NFIB: variants seen among roughly 807,000 people sequenced by gnomAD.
NFIB encodes nuclear factor I B.
In NFIB, 11 loss-of-function variants were observed where a neutral mutation model predicts 61.5. The observed-to-expected ratio is 0.18, with a 90% CI of 0.11 to 0.30. The LOEUF is 0.30. Among genes scored for constraint, NFIB ranks in the 10% least tolerant of loss-of-function variants. The pLI is 1.00. For missense variants in NFIB, 471 were observed against 608.9 expected (o/e 0.77, Z 2.38); for synonymous variants, 260 against 216.5 (o/e 1.20, Z -1.76).
At position 14,337,417 on chromosome 9, in the gene NFIB, G is replaced by T. The variant is rs375607877; in HGVS notation, c.109-29897C>A. Among the ~76,000 whole-genome samples, 30 of 152,300 alleles carry T rather than the reference G, an allele frequency of 2.0e-4. 1 individual carries two copies. In the South Asian group the frequency reaches 3.9e-3, roughly 20 times the overall value. ...ATCAAAATAAAAAAGTAAAAGCAAGGAAATGATGGTGAGAAAAATCATAAT... is the reference window on the plus strand; with the variant it reads ...ATCAAAATAAAAAAGTAAAAGCAAGTAAATGATGGTGAGAAAAATCATAAT... On this transcript the variant is annotated intron_variant, in intron 1 of 8. Transcript: ENST00000380934.
chr9:14,310,944 AC>A (rs1421198848), intron 1 of NFIB, among the ~76,000 whole-genome samples: 9 of 152,172 alleles, frequency 5.9e-5, no homozygotes, highest in Admixed American at 5.9e-4. Flanking sequence ...TTGCTATATA[AC>A]AACAAATCAT....
intron 10 of NFIB, among the ~76,000 whole-genome samples, chr9:14,099,951 A>T (rs554513317): frequency 6.6e-6 from 1 of 152,292 alleles, no homozygotes; most frequent in African/African-American, 2.4e-5. Context: ...GCACGCCTGT[A>T]ATCCCAGCTA....
intron 1 of NFIB, among the ~76,000 whole-genome samples, chr9:14,365,446 T>C (rs1048014964): frequency 2.6e-5 from 4 of 152,228 alleles, no homozygotes; most frequent in Non-Finnish European, 4.4e-5. Context: ...ATTCTGTCTG[T>C]GTTCCTGTTG....
At chr9:14,114,688 G>T (rs2037865041) in intron 9 of NFIB, among the ~76,000 whole-genome samples, 1 of 152,116 alleles carries the variant, frequency 6.6e-6, no homozygotes, top group African/African-American at 2.4e-5. Context: ...CAGGCTGAGG[G>T]TACTCCTATA....
rs1395411319 is a variant in NFIB at position 14,313,763 on chromosome 9, C to T, written c.-252G>A. The T allele has an allele frequency of 1.5e-6, 2 of 1,344,432 alleles. No homozygotes were observed. The highest frequency in any genetic ancestry group is 3.4e-5 in the Admixed American group (1 of 29,428). The allele number at this position is 1,344,432 out of a possible 1,614,324, so 83.3% of individuals were successfully genotyped here. A position where few individuals can be genotyped will look rare whatever the true frequency, so the allele number is the denominator to read the frequency against. On this transcript the variant is annotated 5_prime_UTR_variant, in exon 1 of 11. Coordinates refer to ENST00000380953, the MANE Select transcript of NFIB (RefSeq NM_001190737.2). This position sits in a 1 kb window ranked among gnomAD's most constrained non-coding sequence, Gnocchi z 4.5. ...ACTTTTAACCCTCTTGCAGTCCGAG[C>T]GCGCTGGCCGTGCTTGCCGAGGCCG...
chr9:14,280,711 G>A (rs571626910), intron 2 of NFIB, among the ~76,000 whole-genome samples: 2 of 152,112 alleles, frequency 1.3e-5, no homozygotes, highest in Non-Finnish European at 2.9e-5. Context: ...GTGCATAGGA[G>A]GTGTCTGTGG....
chr9:14,406,708 G>C, the NFIB span, among the ~76,000 whole-genome samples: 1 of 152,154 alleles, frequency 6.6e-6, no homozygotes, highest in Non-Finnish European at 1.5e-5. Flanking sequence ...AAGTGACGGA[G>C]GCTGCTTCCA....
At chr9:14,350,484 A>G (rs73417795) in intron 1 of NFIB, among the ~76,000 whole-genome samples, 1,700 of 136,262 alleles carry the variant, frequency 0.012, 24 homozygotes, top group African/African-American at 0.041. Flanking sequence ...GCTGCCCCCA[A>G]TTCCTATAGG....
intron 2 of NFIB, among the ~76,000 whole-genome samples, chr9:14,208,550 T>C (rs1225468818): frequency 1.3e-5 from 2 of 151,700 alleles, no homozygotes; most frequent in Non-Finnish European, 2.9e-5. Context: ...CTGGTATTTT[T>C]ACTTAAAAGA....
intron 5 of NFIB, among the ~76,000 whole-genome samples, chr9:14,148,299 T>A (rs1042883868): frequency 1.3e-5 from 2 of 151,720 alleles, no homozygotes; most frequent in Non-Finnish European, 2.9e-5. Flanking sequence ...ATTAAAAAAA[T>A]TTTTTGTAGA....
At chr9:14,531,209 C>A in the NFIB span, among the ~76,000 whole-genome samples, 1 of 152,184 alleles carries the variant, frequency 6.6e-6, no homozygotes, top group Non-Finnish European at 1.5e-5. Flanking sequence ...AGTTGAGTCA[C>A]AGGATTCACC....
intron 2 of NFIB, among the ~76,000 whole-genome samples, chr9:14,207,715 G>C (rs957807009): frequency 1.3e-5 from 2 of 152,198 alleles, no homozygotes; most frequent in African/African-American, 4.8e-5. Context: ...GTAAATGAGA[G>C]TCTAATTTCT....
At chr9:14,419,212 T>G in the NFIB span, among the ~76,000 whole-genome samples, 3 of 151,622 alleles carry the variant, frequency 2.0e-5, no homozygotes, top group African/African-American at 7.3e-5. Context: ...TCAAAGATTT[T>G]TTTCCCTCAA....
chr9:14,300,117 T>G (rs1030407602), intron 2 of NFIB: 2 of 398,276 alleles, frequency 5.0e-6, no homozygotes, highest in Non-Finnish European at 8.9e-6. Flanking sequence ...CTAAATTCAG[T>G]TAAATTAACC....
At chr9:14,173,448 A>G (rs2045801069) in intron 3 of NFIB, among the ~76,000 whole-genome samples, 1 of 152,062 alleles carries the variant, frequency 6.6e-6, no homozygotes, top group South Asian at 2.1e-4. Context: ...TTCATATATT[A>G]TAATTATGTA....
rs1254028374 is a variant in NFIB, at chr9:14,085,087, G to A, written c.*3222C>T. On this transcript the variant is annotated 3_prime_UTR_variant, in exon 11 of 11. Transcript: ENST00000380953. ...GAGATGATCTGTTTGCTACCAGGGC[G>A]AGTATCACAGAAATGATTGGACTTA... 8.7e-6 allele frequency: 2 copies of A among 228,920 alleles called. No individual in the cohort carries two copies. The highest frequency in any genetic ancestry group is 2.2e-5 in the African/African-American group (1 of 45,102). 14.2% of individuals were successfully genotyped at this position (228,920 alleles called of 1,614,324 possible). A position where few individuals can be genotyped will look rare whatever the true frequency, so the allele number is the denominator to read the frequency against.
chr9:14,286,536 T>A (rs1264501793), intron 2 of NFIB, among the ~76,000 whole-genome samples: 1 of 152,240 alleles, frequency 6.6e-6, no homozygotes, highest in Non-Finnish European at 1.5e-5. Flanking sequence ...TCAGAAGTTG[T>A]CACAAGTTTT....
chr9:14,228,768 G>A (rs73415724), intron 2 of NFIB, among the ~76,000 whole-genome samples: 7,014 of 152,124 alleles, frequency 0.046, 528 homozygotes, highest in African/African-American at 0.16. Flanking sequence ...ATGTCTCTTT[G>A]TAACTGTATT....
intron 7 of NFIB, among the ~76,000 whole-genome samples, chr9:14,122,102 A>G (rs75051702): frequency 1.5e-5 from 2 of 134,888 alleles, no homozygotes; most frequent in African/African-American, 3.0e-5. Flanking sequence ...AAAGAATATG[A>G]AAAAAAATAA....
Sources: gnomAD v4.1 joint callset for allele counts (sites outside exome capture counted in the v4.1 genomes callset) on GRCh38, gnomAD v4.1.1 for gene constraint, Gnocchi (gnomAD v3.1) non-coding constraint, MANE v1.5 for transcripts, NCBI Gene and HGNC (gene_info 2026-07-23, HGNC 2026-07-21) for gene names.